Variants in DENND1B observed in about 807,000 individuals in gnomAD.
DENND1B encodes the protein DENN domain-containing protein 1B.
In DENND1B, 59 loss-of-function variants were observed where a neutral mutation model predicts 90.1. The observed-to-expected ratio is 0.65, with a 90% confidence interval of 0.53 to 0.81. The LOEUF is 0.81. Among genes scored for constraint, DENND1B ranks in the 40% least tolerant of loss-of-function variants. The probability of loss-of-function intolerance (pLI) is 0.00; values close to 1 mark genes in which losing one functional copy is unlikely to be tolerated. For synonymous variants in DENND1B, 337 were observed against 324.6 expected (o/e 1.04, Z -0.41); for missense variants, 862 against 912.6 (o/e 0.94, Z 0.71).
chr1:197,745,768 T>C (rs1225095731), intron 2 of DENND1B, among the ~76,000 whole-genome samples: 5 of 151,750 alleles, frequency 3.3e-5, no homozygotes, highest in Non-Finnish European at 7.4e-5. Context: ...AAGAATGGCA[T>C]GGCTGAGAAA....
At chr1:197,512,187 C>T (rs1417793808) in intron 21 of DENND1B, among the ~76,000 whole-genome samples, 1 of 151,666 alleles carries the variant, frequency 6.6e-6, no homozygotes, top group Non-Finnish European at 1.5e-5. Flanking sequence ...CAGGGCTTTT[C>T]ACAGTTTAAT....
intron 14 of DENND1B, among the ~76,000 whole-genome samples, chr1:197,586,295 A>G (rs1674688606): frequency 6.6e-6 from 1 of 152,234 alleles, no homozygotes; most frequent in Non-Finnish European, 1.5e-5. Context: ...GATATTGTTC[A>G]GACTAAATTT....
intron 2 of DENND1B, among the ~76,000 whole-genome samples, chr1:197,743,198 C>G (rs1336059140): frequency 1.3e-5 from 2 of 152,164 alleles, no homozygotes; most frequent in Non-Finnish European, 2.9e-5. Context: ...GCAGAGCGCA[C>G]ATTACCTTAT....
intron 2 of DENND1B, among the ~76,000 whole-genome samples, chr1:197,758,763 G>C (rs1295986584): frequency 3.3e-5 from 5 of 151,996 alleles, no homozygotes; most frequent in Admixed American, 2.6e-4. Flanking sequence ...CATTACTCCT[G>C]TTCACCTTGA....
At chr1:197,661,605 A>G (rs1311065529) in intron 5 of DENND1B, among the ~76,000 whole-genome samples, 4 of 152,050 alleles carry the variant, frequency 2.6e-5, no homozygotes, top group African/African-American at 7.2e-5. Context: ...TAATGCTTAC[A>G]TTGTCATTTT....
the DENND1B span, among the ~76,000 whole-genome samples, chr1:197,780,820 T>C: frequency 6.6e-6 from 1 of 152,184 alleles, no homozygotes; most frequent in South Asian, 2.1e-4. Context: ...AACTTTTTAA[T>C]CCACCTAATA....
intron 2 of DENND1B, among the ~76,000 whole-genome samples, chr1:197,760,086 T>A (rs116295541): frequency 0.011 from 1,674 of 152,224 alleles, 33 homozygotes; most frequent in African/African-American, 0.038. Context: ...CCTGAAAAGG[T>A]AAAGTGTAAG....
In DENND1B at chr1:197,597,871, G is replaced by C. The variant is rs4427436; in HGVS notation, c.922-2538C>G. ...TGACTTGTCTCAACTGAGATTTGCC[G>C]TAAGAGTAAACAGACACTGTATTTA... On this transcript the variant is annotated intron_variant, in intron 13 of 22. Coordinates refer to ENST00000620048, the MANE Select transcript of DENND1B (RefSeq NM_001195215.2). Among the ~76,000 whole-genome samples the C allele has an allele frequency of 4.6e-5, 7 of 151,832 alleles. 1 individual carries two copies. Among genetic ancestry groups the C allele is most frequent in the Non-Finnish European group, 7.4e-5 (5 of 67,824 alleles).
intron 11 of DENND1B, among the ~76,000 whole-genome samples, chr1:197,614,824 T>C (rs1016662862): frequency 2.6e-5 from 4 of 151,022 alleles, no homozygotes; most frequent in Non-Finnish European, 5.9e-5. Context: ...ATAGCCTAAA[T>C]AGTGACTCAA....
At chr1:197,652,853 A>C (rs1006715585) in intron 6 of DENND1B, among the ~76,000 whole-genome samples, 6 of 152,132 alleles carry the variant, frequency 3.9e-5, no homozygotes, top group Middle Eastern at 3.2e-3. Context: ...AATAAAACAT[A>C]CAACAAATCT....
intron 14 of DENND1B, among the ~76,000 whole-genome samples, chr1:197,592,236 T>C (rs750503640): frequency 6.6e-6 from 1 of 151,648 alleles, no homozygotes; most frequent in Non-Finnish European, 1.5e-5. Context: ...CTTCACTAGC[T>C]AGAGAAACAG....
In DENND1B at chr1:197,583,176, G is replaced by T; in HGVS notation, c.1125C>A (p.Ala375=). ...CCTGCTTAAAAAGCTGGAGGTTAAT[G>T]GCAGTTTCCAGGAACTGTTTCATCA... The part of the protein sequence containing the change: ...SSVMKQFLET[A]INLQLFKQFI... The change falls in exon 15 of 23, where the codon GCC becomes GCA. Residue 375 remains alanine, a synonymous_variant. Transcript: ENST00000620048. 6.2e-7 allele frequency: 1 copy of T among 1,613,800 alleles called. No homozygotes were observed. Among genetic ancestry groups the T allele is most frequent in the Non-Finnish European group, 8.5e-7 (1 of 1,179,774 alleles).
At chr1:197,526,140 C>A (rs1052868898) in intron 20 of DENND1B, among the ~76,000 whole-genome samples, 3 of 151,956 alleles carry the variant, frequency 2.0e-5, no homozygotes, top group Admixed American at 6.5e-5. Flanking sequence ...TCCTATTATA[C>A]CCCCATAGTT....
intron 2 of DENND1B, among the ~76,000 whole-genome samples, chr1:197,739,499 T>C (rs143751361): frequency 5.3e-5 from 8 of 152,134 alleles, no homozygotes; most frequent in African/African-American, 1.7e-4. Flanking sequence ...CCCCAAATAT[T>C]TGTAACTTAA....
rs991525141 is a variant in DENND1B, at chr1:197,633,782, G to A, written c.672+8929C>T. Among the ~76,000 whole-genome samples, 3 of 152,246 alleles carry A rather than the reference G, an allele frequency of 2.0e-5. No individual in the cohort carries two copies. The South Asian group carries it at 6.2e-4, about 32-fold the overall frequency. On this transcript the variant is annotated intron_variant, in intron 10 of 22. Transcript: ENST00000620048. ...AGGCATCTCCTGCACCTGATTACTG[G>A]AGTGTACAATTTCCAACAGTACCAA...
At position 197,754,351 on chromosome 1, in the gene DENND1B, A is replaced by G. The variant is rs185602192; in HGVS notation, c.82+18517T>C. Among the ~76,000 whole-genome samples the G allele has an allele frequency of 8.1e-4, 124 of 152,272 alleles. 1 individual carries two copies. Among genetic ancestry groups the G allele is most frequent in the Non-Finnish European group, 1.4e-3 (96 of 68,026 alleles). On this transcript the variant is annotated intron_variant, in intron 2 of 22. Coordinates refer to ENST00000620048, the MANE Select transcript of DENND1B (RefSeq NM_001195215.2). ...TAATACAAGTATAAATGAGATACAT[A>G]CACAGTCGGCCCATATAATAAAATT...
intron 14 of DENND1B, among the ~76,000 whole-genome samples, chr1:197,591,837 G>A (rs1219927188): frequency 6.6e-6 from 1 of 151,968 alleles, no homozygotes; most frequent in African/African-American, 2.4e-5. Context: ...ACGGCCGGGC[G>A]CGGTAGCTCA....
intron 15 of DENND1B, among the ~76,000 whole-genome samples, chr1:197,571,972 CTCTGG>C (rs1331837482): frequency 6.6e-6 from 1 of 152,088 alleles, no homozygotes; most frequent in Non-Finnish European, 1.5e-5. Context: ...ATAGGAACAG[CTCTGG>C]TCTGCAGCTC....
intron 3 of DENND1B, among the ~76,000 whole-genome samples, chr1:197,685,335 C>T (rs1488988671): frequency 2.0e-5 from 3 of 152,046 alleles, no homozygotes; most frequent in Non-Finnish European, 4.4e-5. Context: ...ACCTGGTGGT[C>T]AGATAAAGAC....
Sources: gnomAD v4.1 joint callset for allele counts (sites outside exome capture counted in the v4.1 genomes callset) on GRCh38, gnomAD v4.1.1 for gene constraint, MANE v1.5 for transcripts, NCBI Gene and HGNC (gene_info 2026-07-23, HGNC 2026-07-21) for gene names.